DNAH14: variants seen among roughly 807,000 people sequenced by gnomAD.
DNAH14 encodes the protein axonemal beta dynein heavy chain 14.
A neutral mutation model predicts 520.9 loss-of-function variants in DNAH14; 478 were observed. The observed-to-expected ratio is 0.92, with a 90% CI of 0.85 to 0.99. DNAH14 has a LOEUF of 0.99. Ranked by LOEUF, DNAH14 falls within the 50% of genes least tolerant of loss-of-function variation. The probability of loss-of-function intolerance (pLI) is 0.00; values close to 1 mark genes in which losing one functional copy is unlikely to be tolerated. For synonymous variants in DNAH14, 1,581 were observed against 1,757.2 expected, an observed-to-expected ratio of 0.90 and a Z score of 2.51; for missense variants, 4,831 against 5,234.5, an observed-to-expected ratio of 0.92 and a Z score of 2.38.
At chr1:224,950,407 A>T (rs927472041) in intron 1 of DNAH14, among the ~76,000 whole-genome samples, 1 of 152,224 alleles carries the variant, frequency 6.6e-6, no homozygotes, top group East Asian at 1.9e-4. Flanking sequence ...TTGACTCTGT[A>T]TAAAATTCTT....
At chr1:225,366,767 G>T (rs906661554) in intron 76 of DNAH14, among the ~76,000 whole-genome samples, 2 of 151,880 alleles carry the variant, frequency 1.3e-5, no homozygotes, top group African/African-American at 4.8e-5. Flanking sequence ...AGAGCCATTT[G>T]CTTACACTCC....
intron 17 of DNAH14, among the ~76,000 whole-genome samples, chr1:225,058,805 G>T (rs1485886873): frequency 2.6e-5 from 4 of 152,146 alleles, no homozygotes; most frequent in Non-Finnish European, 1.5e-5. Flanking sequence ...AGTCATTCAG[G>T]AGCAGGTTGT....
intron 27 of DNAH14, among the ~76,000 whole-genome samples, chr1:225,130,851 GA>G (rs1244680819): frequency 2.0e-5 from 3 of 151,686 alleles, no homozygotes; most frequent in Non-Finnish European, 4.4e-5. Flanking sequence ...ATAAAAAAAG[GA>G]AAAAATGCAA....
intron 36 of DNAH14, among the ~76,000 whole-genome samples, chr1:225,182,929 G>T (rs1443714247): frequency 6.6e-6 from 1 of 152,126 alleles, no homozygotes; most frequent in Non-Finnish European, 1.5e-5. Context: ...ACAGTCCTTG[G>T]GTGATGCCAA....
intron 11 of DNAH14, among the ~76,000 whole-genome samples, chr1:225,028,676 A>C (rs897880842): frequency 3.3e-5 from 5 of 152,140 alleles, no homozygotes; most frequent in African/African-American, 1.2e-4. Flanking sequence ...AAGAAGAAAC[A>C]GATTGCAAAT....
chr1:225,377,100 C>T, intron 78 of DNAH14, 137 bp from the exon 79 acceptor site: 2 of 689,548 alleles, frequency 2.9e-6, no homozygotes, highest in South Asian at 3.5e-5. Context: ...ATAAGAAAGC[C>T]TTCGGTATAA....
intron 72 of DNAH14, among the ~76,000 whole-genome samples, chr1:225,352,834 T>A (rs1050056788): frequency 6.6e-6 from 1 of 152,096 alleles, no homozygotes. Flanking sequence ...TAAACATTCT[T>A]GATTTCAAGT....
chr1:225,063,793 C>T (rs1004649599), intron 17 of DNAH14, among the ~76,000 whole-genome samples: 2 of 150,546 alleles, frequency 1.3e-5, no homozygotes, highest in Non-Finnish European at 3.0e-5. Flanking sequence ...GAGGAGCGCT[C>T]AATGAAATCC....
chr1:224,980,483 A>G (rs531548218), intron 8 of DNAH14, among the ~76,000 whole-genome samples: 4 of 152,210 alleles, frequency 2.6e-5, no homozygotes, highest in South Asian at 2.1e-4. Context: ...TGTCACATCA[A>G]TTTCTAAGGT....
At chr1:225,335,140 C>CGCATGTGT (rs2094901929) in intron 66 of DNAH14, among the ~76,000 whole-genome samples, 1 of 109,228 alleles carries the variant, frequency 9.2e-6, no homozygotes, top group Non-Finnish European at 1.9e-5. Context: ...TGTGCATGTG[C>CGCATGTGT]ACATGTGTAC....
At chr1:225,345,773 C>T (rs2095277237) in intron 69 of DNAH14, among the ~76,000 whole-genome samples, 189 bp from the exon 70 acceptor site, 1 of 152,064 alleles carries the variant, frequency 6.6e-6, no homozygotes, top group African/African-American at 2.4e-5. Context: ...GGTGTACGTA[C>T]TATTAATCAA....
chr1:225,205,523 G>A (rs1360489361), intron 39 of DNAH14, among the ~76,000 whole-genome samples: 1 of 152,174 alleles, frequency 6.6e-6, no homozygotes, highest in African/African-American at 2.4e-5. Flanking sequence ...ACACCCTGTG[G>A]AAAGAGGAGT....
chr1:224,959,720 T>C (rs2060727173), intron 3 of DNAH14, among the ~76,000 whole-genome samples: 1 of 152,142 alleles, frequency 6.6e-6, no homozygotes, highest in Non-Finnish European at 1.5e-5. Flanking sequence ...CAGGGTCCTC[T>C]TCTGTATTTA....
chr1:225,108,771 A>G (rs2076278319), intron 23 of DNAH14, among the ~76,000 whole-genome samples: 1 of 152,064 alleles, frequency 6.6e-6, no homozygotes. Flanking sequence ...ATAAGGTACT[A>G]CTCAAGAAAT....
chr1:225,361,615 G>A (rs1169945465), intron 75 of DNAH14, among the ~76,000 whole-genome samples: 3 of 151,998 alleles, frequency 2.0e-5, no homozygotes, highest in East Asian at 3.9e-4. Context: ...TTTATGCTTT[G>A]AGCATGCACA....
chr1:225,009,454 A>T (rs1349011277), intron 10 of DNAH14, among the ~76,000 whole-genome samples: 10 of 152,002 alleles, frequency 6.6e-5, no homozygotes, highest in Non-Finnish European at 1.5e-4. Flanking sequence ...GTTCTGTTCC[A>T]TTGGTCTATA....
chr1:224,950,175 T>G (rs1369471670), intron 1 of DNAH14, among the ~76,000 whole-genome samples: 1 of 152,184 alleles, frequency 6.6e-6, no homozygotes, highest in Non-Finnish European at 1.5e-5. Context: ...TAAAATTTTG[T>G]TCTGTGTTCA....
chr1:224,994,366 G>T (rs538763357), intron 8 of DNAH14, among the ~76,000 whole-genome samples: 1 of 151,870 alleles, frequency 6.6e-6, no homozygotes, highest in Non-Finnish European at 1.5e-5. Flanking sequence ...CAAATGTTGG[G>T]TGTGTATATA....
At chr1:225,395,214 GATTT>G (rs976631758) in intron 84 of DNAH14, among the ~76,000 whole-genome samples, 7 of 152,090 alleles carry the variant, frequency 4.6e-5, no homozygotes, top group African/African-American at 9.7e-5. Flanking sequence ...TTATCAATAT[GATTT>G]ATTAAAAGAT....
Sources: gnomAD v4.1 joint callset for allele counts (sites outside exome capture counted in the v4.1 genomes callset) on GRCh38, gnomAD v4.1.1 for gene constraint, MANE v1.5 for transcripts, NCBI Gene and HGNC (gene_info 2026-07-23, HGNC 2026-07-21) for gene names.